The following UHRF2 variants were observed in gnomAD, a reference collection of about 807,000 sequenced individuals.
The protein encoded by UHRF2 is ubiquitin like with PHD and ring finger domains 2.
A neutral mutation model predicts 96.8 loss-of-function variants in UHRF2; 23 were observed. That is an observed-to-expected ratio of 0.24 (90% CI 0.17 to 0.34). The LOEUF (loss-of-function observed/expected upper bound fraction) is 0.34. Among genes scored for constraint, UHRF2 ranks in the 10% least tolerant of loss-of-function variants. The pLI, the probability that UHRF2 is intolerant of heterozygous loss-of-function variation, is 1.00. For synonymous variants in UHRF2, 385 were observed against 332.6 expected, an observed-to-expected ratio of 1.16 and a Z score of -1.72; for missense variants, 685 against 981.5, an observed-to-expected ratio of 0.70 and a Z score of 4.04.
intron 1 of UHRF2, 29 bp from the exon 2 acceptor site, chr9:6,420,883 C>T (rs757073174): frequency 6.5e-7 from 1 of 1,542,260 alleles, no homozygotes; most frequent in Non-Finnish European, 9.0e-7. Context: ...TTTAGAGAAG[C>T]ATTTCACTAT....
intron 3 of UHRF2, among the ~76,000 whole-genome samples, chr9:6,450,823 T>C (rs930509219): frequency 4.6e-5 from 7 of 152,204 alleles, no homozygotes; most frequent in African/African-American, 1.7e-4. Flanking sequence ...AACAGAATGT[T>C]CCAGCCCTGG....
At chr9:6,454,291 T>C (rs372843767) in intron 3 of UHRF2, among the ~76,000 whole-genome samples, 1 of 152,326 alleles carries the variant, frequency 6.6e-6, no homozygotes, top group South Asian at 2.1e-4. Flanking sequence ...GACACCAGGA[T>C]TGATACAAGG....
chr9:6,488,405 A>G (rs1824443870), intron 9 of UHRF2, among the ~76,000 whole-genome samples: 1 of 151,384 alleles, frequency 6.6e-6, no homozygotes, highest in Admixed American at 6.6e-5. Flanking sequence ...TATTGACACT[A>G]TACAGTCAGG....
chr9:6,488,540 C>CTT (rs58280407), intron 9 of UHRF2, among the ~76,000 whole-genome samples: 3,223 of 83,690 alleles, frequency 0.039, 63 homozygotes, highest in African/African-American at 0.055. Flanking sequence ...TTTTTCTTTT[C>CTT]TTTTTTTTTT....
intron 10 of UHRF2, chr9:6,494,866 C>T (rs1219529512): frequency 6.6e-6 from 1 of 152,134 alleles, no homozygotes; most frequent in Non-Finnish European, 1.5e-5. Context: ...TATCAATTTA[C>T]ATAGAATCTC....
chr9:6,482,314 T>C (rs1823973740), intron 8 of UHRF2, among the ~76,000 whole-genome samples: 1 of 152,218 alleles, frequency 6.6e-6, no homozygotes, highest in Non-Finnish European at 1.5e-5. Flanking sequence ...ACTTTGTTTT[T>C]ACTGTTCTGT....
chr9:6,493,324 T>C (rs894496460), intron 9 of UHRF2, among the ~76,000 whole-genome samples: 5 of 152,104 alleles, frequency 3.3e-5, no homozygotes, highest in Non-Finnish European at 7.4e-5. Context: ...GTGAAGTTTT[T>C]AGGTAAATTT....
intron 2 of UHRF2, among the ~76,000 whole-genome samples, chr9:6,433,069 G>C (rs1470814826): frequency 6.6e-6 from 1 of 152,162 alleles, no homozygotes; most frequent in Non-Finnish European, 1.5e-5. Context: ...TTGACCTCAA[G>C]TGATCTGCCC....
At chr9:6,435,405 C>T (rs182167936) in intron 3 of UHRF2, among the ~76,000 whole-genome samples, 1 of 152,120 alleles carries the variant, frequency 6.6e-6, no homozygotes, top group African/African-American at 2.4e-5. Context: ...GGATTAAAGG[C>T]GTGAGCCACT....
rs369586401 is a variant in UHRF2, at chr9:6,499,827, C to G, written c.1909-8C>G. 141 of 1,595,420 alleles carry G rather than the reference C, an allele frequency of 8.8e-5. 2 individuals are homozygous for G. Among genetic ancestry groups the G allele is most frequent in the East Asian group, 7.3e-4 (32 of 43,816 alleles). On this transcript the variant is annotated splice_region_variant and splice_polypyrimidine_tract_variant and intron_variant, in intron 12 of 15. Coordinates refer to ENST00000276893, the MANE Select transcript of UHRF2 (RefSeq NM_152896.3). ...TGCATTGTACTCTCCCTCCTCCCCCCCCATCAGTATCCAGCAGGTTACCCT... is the reference window on the plus strand; with the variant it reads ...TGCATTGTACTCTCCCTCCTCCCCCGCCATCAGTATCCAGCAGGTTACCCT...
intron 14 of UHRF2, among the ~76,000 whole-genome samples, chr9:6,502,461 TA>T (rs1264314059): frequency 2.6e-5 from 4 of 152,218 alleles, no homozygotes; most frequent in African/African-American, 7.2e-5. Flanking sequence ...AAATTTAGTT[TA>T]AAAAGTCCAA....
intron 10 of UHRF2, 31 bp from the exon 11 acceptor site, chr9:6,497,167 A>C (rs774280327): frequency 2.5e-6 from 4 of 1,593,202 alleles, no homozygotes; most frequent in East Asian, 2.2e-5. Flanking sequence ...GAAAAATTAC[A>C]TGGTATAAAG....
intron 8 of UHRF2, chr9:6,484,834 C>T (rs1158310355): frequency 1.0e-5 from 1 of 99,848 alleles, no homozygotes; most frequent in Non-Finnish European, 1.9e-5. Flanking sequence ...GCTGTTGTTG[C>T]CCAGGCTGGA....
At chr9:6,414,927 T>G (rs1041018751) in intron 1 of UHRF2, among the ~76,000 whole-genome samples, 6 of 152,254 alleles carry the variant, frequency 3.9e-5, no homozygotes, top group African/African-American at 1.4e-4. Flanking sequence ...TATTTAGTTG[T>G]AAGCTTTGCT....
chr9:6,424,200 T>C (rs1399643178), intron 2 of UHRF2, among the ~76,000 whole-genome samples: 1 of 152,208 alleles, frequency 6.6e-6, no homozygotes, highest in Non-Finnish European at 1.5e-5. Flanking sequence ...GAAAATGTTT[T>C]AGAAAGTTAT....
intron 4 of UHRF2, 98 bp downstream of exon 4, chr9:6,460,889 G>A (rs1822498606): frequency 2.1e-6 from 2 of 933,922 alleles, no homozygotes; most frequent in Non-Finnish European, 1.5e-6. Context: ...AAAAGATGGA[G>A]TCTATAAAAG....
chr9:6,494,475 A>G (rs1281210934), intron 10 of UHRF2: 1 of 152,222 alleles, frequency 6.6e-6, no homozygotes, highest in African/African-American at 2.4e-5. Flanking sequence ...AAATCCCCTT[A>G]AGACATTACA....
At chr9:6,458,079 A>T (rs1822294921) in intron 3 of UHRF2, among the ~76,000 whole-genome samples, 1 of 152,174 alleles carries the variant, frequency 6.6e-6, no homozygotes, top group Admixed American at 6.5e-5. Context: ...TTCAGAAGAA[A>T]TGGTACCCAC....
intron 3 of UHRF2, among the ~76,000 whole-genome samples, chr9:6,450,401 C>T (rs1821788209): frequency 6.9e-6 from 1 of 145,502 alleles, no homozygotes; most frequent in South Asian, 2.2e-4. Context: ...TGATATTTGA[C>T]ACATTCTTCT....
Sources: gnomAD v4.1 joint callset for allele counts (sites outside exome capture counted in the v4.1 genomes callset) on GRCh38, gnomAD v4.1.1 for gene constraint, MANE v1.5 for transcripts, NCBI Gene and HGNC (gene_info 2026-07-23, HGNC 2026-07-21) for gene names.